TCEA1: variants seen among roughly 807,000 people sequenced by gnomAD.
The protein encoded by TCEA1 is transcription elongation factor A1.
In TCEA1, 21 loss-of-function variants were observed where a neutral mutation model predicts 43.8. That is an observed-to-expected ratio of 0.48 (90% confidence interval 0.34 to 0.69). The LOEUF (loss-of-function observed/expected upper bound fraction) is 0.69, where lower values mean the gene tolerates loss of function less well. Among genes scored for constraint, TCEA1 ranks in the 30% least tolerant of loss-of-function variants. The pLI, the probability that TCEA1 is intolerant of heterozygous loss-of-function variation, is 0.01. For synonymous variants in TCEA1, 104 were observed against 117.5 expected (o/e 0.88, Z 0.75); for missense variants, 250 against 365.1 (o/e 0.68, Z 2.57).
At chr8:54,020,677 C>G (rs1040173822) in intron 1 of TCEA1, among the ~76,000 whole-genome samples, 18 of 152,270 alleles carry the variant, frequency 1.2e-4, no homozygotes, top group African/African-American at 3.9e-4. Flanking sequence ...AATGGATACC[C>G]TTTATGTACT....
chr8:53,995,309 A>AG (rs1389132237), intron 3 of TCEA1, among the ~76,000 whole-genome samples: 2 of 151,056 alleles, frequency 1.3e-5, no homozygotes, highest in African/African-American at 4.9e-5. Context: ...AAAAAAAAAA[A>AG]AAAAAAGAAA....
At chr8:53,979,192 C>G (rs758387042) in intron 7 of TCEA1, 21 bp from the exon 8 acceptor site, 1 of 1,608,320 alleles carries the variant, frequency 6.2e-7, no homozygotes, top group Admixed American at 1.7e-5. Flanking sequence ...GGGGGCAATA[C>G]CACTCAGTTA....
chr8:54,015,575 G>A (rs1417166641), intron 1 of TCEA1, among the ~76,000 whole-genome samples: 1 of 152,040 alleles, frequency 6.6e-6, no homozygotes, highest in Admixed American at 6.6e-5. Flanking sequence ...CAAATTTGCA[G>A]TTAAACTACA....
chr8:53,974,693 A>G (rs2129299089), intron 8 of TCEA1, among the ~76,000 whole-genome samples: 1 of 152,054 alleles, frequency 6.6e-6, no homozygotes, highest in East Asian at 1.9e-4. Flanking sequence ...ACGCCTGCCT[A>G]ATTTTTTGTA....
intron 6 of TCEA1, among the ~76,000 whole-genome samples, chr8:53,985,789 C>T (rs1233222490): frequency 1.3e-5 from 2 of 152,216 alleles, no homozygotes; most frequent in East Asian, 1.9e-4. Flanking sequence ...GGATAATGAG[C>T]TCAGGTGACT....
intron 1 of TCEA1, among the ~76,000 whole-genome samples, chr8:54,017,474 TTTC>T (rs1291099049): frequency 1.3e-5 from 2 of 152,320 alleles, no homozygotes; most frequent in East Asian, 3.9e-4. Flanking sequence ...CTTTATTTCT[TTTC>T]TTTTCTTTTT....
intron 2 of TCEA1, among the ~76,000 whole-genome samples, chr8:54,007,515 T>C: frequency 6.6e-6 from 1 of 152,144 alleles, no homozygotes; most frequent in Non-Finnish European, 1.5e-5. Context: ...TAGCATAAGG[T>C]AGAACAGCAA....
At chr8:53,981,386 G>C (rs943312916) in intron 7 of TCEA1, among the ~76,000 whole-genome samples, 3 of 152,174 alleles carry the variant, frequency 2.0e-5, no homozygotes, top group African/African-American at 7.2e-5. Flanking sequence ...TCTCTTGTTA[G>C]GGGCTAAAGC....
chr8:54,022,027 G>T, intron 1 of TCEA1, 36 bp downstream of exon 1: 1 of 1,557,074 alleles, frequency 6.4e-7, no homozygotes, highest in Non-Finnish European at 8.7e-7. Flanking sequence ...CCGCGGCCCG[G>T]CCTCCCTCCC....
At chr8:53,989,956 C>G (rs962545133) in intron 4 of TCEA1, among the ~76,000 whole-genome samples, 8 of 151,986 alleles carry the variant, frequency 5.3e-5, no homozygotes, top group African/African-American at 1.9e-4. Context: ...TATTTTTTGG[C>G]CGGGCAAGCT....
chr8:53,990,755 T>G (rs1444387406), intron 4 of TCEA1, among the ~76,000 whole-genome samples: 1 of 152,246 alleles, frequency 6.6e-6, no homozygotes, highest in Non-Finnish European at 1.5e-5. Flanking sequence ...ATTGCCCATA[T>G]GGGCTGAGGG....
At chr8:53,993,127 AT>A (rs11306062) in intron 4 of TCEA1, among the ~76,000 whole-genome samples, 35,586 of 84,370 alleles carry the variant, frequency 0.42, 6,361 homozygotes, top group East Asian at 0.71. Flanking sequence ...TACATGGCTA[AT>A]TTTTTTTTTT....
chr8:53,975,053 G>A (rs981353704), intron 8 of TCEA1, among the ~76,000 whole-genome samples: 1 of 152,002 alleles, frequency 6.6e-6, no homozygotes, highest in African/African-American at 2.4e-5. Flanking sequence ...GTTTGTTTAT[G>A]AAATTAATTT....
At chr8:54,022,029 C>A (rs755349744) in intron 1 of TCEA1, 34 bp downstream of exon 1, 1 of 1,558,452 alleles carries the variant, frequency 6.4e-7, no homozygotes, top group Non-Finnish European at 8.7e-7. Context: ...GCGGCCCGGC[C>A]TCCCTCCCGG....
intron 8 of TCEA1, chr8:53,973,611 C>A (rs1327886086): frequency 5.3e-6 from 3 of 567,078 alleles, no homozygotes; most frequent in Non-Finnish European, 1.0e-5. Context: ...AAGTAAGAAA[C>A]ACTTCAATTA....
Position 54,008,479 on chromosome 8 carries a change from TA to T in TCEA1, c.126+1950del, listed in dbSNP as rs980846680. 1.5e-4 allele frequency among the ~76,000 whole-genome samples: 22 copies of T among 148,504 alleles called. No homozygotes were observed. In the South Asian group the frequency reaches 1.7e-3, roughly 11 times the overall value. The stretch of plus-strand genomic sequence containing the variant: ...GGCAACAAAGGGAGAACCCCGTCTC[TA>T]AAAAAAAAAATTTTTTTAATTAGCC... On this transcript the variant is annotated intron_variant, in intron 2 of 9. Coordinates refer to ENST00000521604, the MANE Select transcript of TCEA1 (RefSeq NM_006756.4).
intron 7 of TCEA1, among the ~76,000 whole-genome samples, chr8:53,982,090 A>G (rs1803529596): frequency 6.6e-6 from 1 of 152,044 alleles, no homozygotes; most frequent in Admixed American, 6.6e-5. Context: ...TATTTCAGAA[A>G]TACTTTTTGC....
At chr8:54,016,363 C>T (rs184866143) in intron 1 of TCEA1, among the ~76,000 whole-genome samples, 3 of 151,974 alleles carry the variant, frequency 2.0e-5, no homozygotes, top group East Asian at 1.9e-4. Context: ...CCCAGCTACT[C>T]GGGAGGCTGA....
At chr8:53,973,362 AAAG>A (rs1803224750) in intron 8 of TCEA1, 6 of 519,216 alleles carry the variant, frequency 1.2e-5, no homozygotes, top group African/African-American at 2.0e-5. Flanking sequence ...AACAATTTTT[AAAG>A]AAGAAAGAAA....
Sources: allele counts gnomAD v4.1 joint callset (sites outside exome capture counted in the v4.1 genomes callset), GRCh38; gene constraint gnomAD v4.1.1; transcripts MANE v1.5; gene names NCBI Gene and HGNC (gene_info 2026-07-23, HGNC 2026-07-21).